The following APP variants were observed in gnomAD, a reference collection of about 807,000 sequenced individuals.
APP encodes the protein amyloid beta precursor protein.
Under a neutral mutation model 101.4 loss-of-function variants are expected in APP, and 31 were observed. The observed-to-expected ratio is 0.31, with a 90% CI of 0.23 to 0.41. The LOEUF (loss-of-function observed/expected upper bound fraction) is 0.41. Among genes scored for constraint, APP ranks in the 10% least tolerant of loss-of-function variants. The pLI is 1.00. For synonymous variants in APP, 366 were observed against 364.4 expected (o/e 1.00, Z -0.05); for missense variants, 839 against 1,003.7 (o/e 0.84, Z 2.22).
chr21:26,170,426 G>T, intron 1 of APP, 138 bp downstream of exon 1: 1 of 936,786 alleles, frequency 1.1e-6, no homozygotes, highest in Non-Finnish European at 1.6e-6. Flanking sequence ...CTGGACGTCC[G>T]CAAGCGGGGG....
intron 1 of APP, among the ~76,000 whole-genome samples, chr21:26,165,445 A>C (rs776321690): frequency 6.6e-6 from 1 of 152,250 alleles, no homozygotes; most frequent in Non-Finnish European, 1.5e-5. Context: ...TCACTAGCTC[A>C]AAAGAAACAA....
intron 1 of APP, 133 bp downstream of exon 1, chr21:26,170,431 C>CG: frequency 1.0e-6 from 1 of 965,732 alleles, no homozygotes; most frequent in South Asian, 1.6e-5. Flanking sequence ...CGTCCGCAAG[C>CG]GGGGGCGGAG....
chr21:26,144,511 CTAAA>C (rs1254069482), intron 1 of APP, among the ~76,000 whole-genome samples: 2 of 152,080 alleles, frequency 1.3e-5, no homozygotes, highest in African/African-American at 2.4e-5. Flanking sequence ...ATCTCCTACA[CTAAA>C]TAGTTATAAA....
chr21:26,105,543 C>T (rs972770244), intron 2 of APP, among the ~76,000 whole-genome samples: 19 of 151,086 alleles, frequency 1.3e-4, no homozygotes, highest in Non-Finnish European at 2.7e-4. Context: ...AAAGGCAAAA[C>T]GAACACTTTC....
intron 3 of APP, among the ~76,000 whole-genome samples, chr21:26,069,479 G>T (rs9981258): frequency 0.39 from 59,470 of 151,914 alleles, 12,922 homozygotes; most frequent in African/African-American, 0.57. Flanking sequence ...ACTGCCTTCA[G>T]TTCATTTCCC....
chr21:26,103,490 A>G (rs1349932553), intron 2 of APP, among the ~76,000 whole-genome samples: 1 of 152,010 alleles, frequency 6.6e-6, no homozygotes, highest in Admixed American at 6.6e-5. Context: ...AATCCCAGCT[A>G]CTCAGGAGGC....
intron 1 of APP, among the ~76,000 whole-genome samples, chr21:26,165,145 G>C (rs1333163497): frequency 1.3e-5 from 2 of 152,146 alleles, no homozygotes; most frequent in African/African-American, 4.8e-5. Flanking sequence ...TCAATTTCCT[G>C]CAATAGTCTT....
At chr21:25,964,846 C>G (rs941653044) in intron 11 of APP, among the ~76,000 whole-genome samples, 1 of 152,080 alleles carries the variant, frequency 6.6e-6, no homozygotes, top group Non-Finnish European at 1.5e-5. Flanking sequence ...GTGATCCACC[C>G]GCCTTGGCCT....
intron 11 of APP, among the ~76,000 whole-genome samples, chr21:25,972,910 G>C (rs1474144936): frequency 6.6e-6 from 1 of 152,078 alleles, no homozygotes; most frequent in African/African-American, 2.4e-5. Context: ...CTTACAGAGA[G>C]AGAGAGAGAT....
intron 3 of APP, among the ~76,000 whole-genome samples, chr21:26,075,433 C>A (rs2061482896): frequency 6.6e-6 from 1 of 152,296 alleles, no homozygotes; most frequent in South Asian, 2.1e-4. Context: ...TTGTCCCAAC[C>A]TATTACCCTA....
intron 5 of APP, among the ~76,000 whole-genome samples, chr21:26,034,130 C>A (rs926736991): frequency 6.6e-6 from 1 of 152,140 alleles, no homozygotes; most frequent in African/African-American, 2.4e-5. Context: ...AGATAATAGA[C>A]CAGATGCCCA....
intron 3 of APP, among the ~76,000 whole-genome samples, chr21:26,080,166 A>T (rs145415044): frequency 6.6e-6 from 1 of 152,308 alleles, no homozygotes; most frequent in African/African-American, 2.4e-5. Flanking sequence ...ATAAGAAATT[A>T]ACACAAAATA....
intron 3 of APP, among the ~76,000 whole-genome samples, chr21:26,082,281 A>G (rs2061614320): frequency 6.6e-6 from 1 of 152,198 alleles, no homozygotes; most frequent in African/African-American, 2.4e-5. Context: ...TTTCTTTGAT[A>G]TGTTAAATGT....
chr21:26,109,137 C>T (rs995597232), intron 2 of APP, among the ~76,000 whole-genome samples: 3 of 152,152 alleles, frequency 2.0e-5, no homozygotes, highest in Non-Finnish European at 2.9e-5. Context: ...CAGCAAAGGG[C>T]TAATTCTCCC....
At chr21:25,894,695 C>A (rs2037915981) in intron 16 of APP, among the ~76,000 whole-genome samples, 1 of 152,154 alleles carries the variant, frequency 6.6e-6, no homozygotes, top group Admixed American at 6.5e-5. Context: ...TGGTTTCTTG[C>A]AATGGAATCT....
intron 5 of APP, among the ~76,000 whole-genome samples, chr21:26,035,757 G>C (rs921819332): frequency 2.0e-5 from 3 of 152,184 alleles, no homozygotes; most frequent in Non-Finnish European, 4.4e-5. Flanking sequence ...ATGTGTCAGG[G>C]AGAGAGAACG....
chr21:25,912,025 A>C lies in APP; in HGVS notation c.1688-63T>G, dbSNP rs570093282. ...CAATCACAACAGCAGCAGCAGCAGC[A>C]GCCACCATTTACTTCTGCCAGGCAA... is the stretch of plus-strand genomic sequence containing the variant. On this transcript the variant is annotated intron_variant, in intron 13 of 17. Transcript: ENST00000346798. 14 of 1,307,858 alleles carry C rather than the reference A, an allele frequency of 1.1e-5. No individual in the cohort carries two copies. In the South Asian group the frequency reaches 1.4e-4, roughly 13 times the overall value. The allele number at this position is 1,307,858 out of a possible 1,614,324, so 81.0% of individuals were successfully genotyped here. A position where few individuals can be genotyped will look rare whatever the true frequency, so the allele number is the denominator to read the frequency against.
intron 1 of APP, among the ~76,000 whole-genome samples, chr21:26,152,054 ATCACGAGGTC>A (rs1376510627): frequency 1.3e-5 from 2 of 151,964 alleles, no homozygotes; most frequent in African/African-American, 4.8e-5. Flanking sequence ...AGGCGGGGGG[ATCACGAGGTC>A]AGGAGATCAA....
intron 6 of APP, among the ~76,000 whole-genome samples, chr21:26,011,139 G>A (rs1013472807): frequency 9.9e-5 from 15 of 151,930 alleles, no homozygotes; most frequent in Admixed American, 9.8e-4. Flanking sequence ...GCAATGGCAC[G>A]ATCTCAGCTC....
Sources: allele counts gnomAD v4.1 joint callset (sites outside exome capture counted in the v4.1 genomes callset), GRCh38; gene constraint gnomAD v4.1.1; transcripts MANE v1.5; gene names NCBI Gene and HGNC (gene_info 2026-07-23, HGNC 2026-07-21).